SLC35F2: variants seen among roughly 807,000 people sequenced by gnomAD.
The protein encoded by SLC35F2 is solute carrier family 35 member F2, also known as queuine/queuosine transporter SLC35F2.
Under a neutral mutation model 38.1 loss-of-function variants are expected in SLC35F2, and 25 were observed. That is an observed-to-expected ratio of 0.66 (90% CI 0.48 to 0.92). The LOEUF is 0.92. Among genes scored for constraint, SLC35F2 ranks in the 40% least tolerant of loss-of-function variants. The probability of loss-of-function intolerance (pLI) is 0.00; values close to 1 mark genes in which losing one functional copy is unlikely to be tolerated. For missense variants in SLC35F2, 409 were observed against 452.9 expected (o/e 0.90, Z 0.88); for synonymous variants, 173 against 181.7 (o/e 0.95, Z 0.38).
intron 1 of SLC35F2, among the ~76,000 whole-genome samples, chr11:107,824,788 C>T (rs918755346): frequency 6.6e-6 from 1 of 152,186 alleles, no homozygotes; most frequent in Non-Finnish European, 1.5e-5. Flanking sequence ...CTCTGGCTCG[C>T]CCTGTCTTTT....
At chr11:107,824,688 A>G (rs1366371923) in intron 1 of SLC35F2, among the ~76,000 whole-genome samples, 1 of 152,220 alleles carries the variant, frequency 6.6e-6, no homozygotes, top group Non-Finnish European at 1.5e-5. Context: ...TACCACCTTT[A>G]TGCGCCTAAG....
Position 107,838,505 on chromosome 11 carries a change from C to T in SLC35F2, c.110+20153G>A, listed in dbSNP as rs12292795. 4.7e-3 allele frequency among the ~76,000 whole-genome samples: 700 copies of T among 150,518 alleles called. 7 individuals are homozygous for T. The highest frequency in any genetic ancestry group is 0.016 in the African/African-American group (648 of 40,912). Reference sequence around the variant, plus strand: ...ACGCCCAGCTAATTTTTGTATTTTTCGTAGAGATGGGGTTTCACCATGTTG... The same window carrying T: ...ACGCCCAGCTAATTTTTGTATTTTTTGTAGAGATGGGGTTTCACCATGTTG... On this transcript the variant is annotated intron_variant, in intron 1 of 7. Coordinates refer to ENST00000525815, the MANE Select transcript of SLC35F2 (RefSeq NM_017515.5).
intron 2 of SLC35F2, among the ~76,000 whole-genome samples, chr11:107,813,332 C>T (rs1859512590): frequency 6.6e-6 from 1 of 152,042 alleles, no homozygotes; most frequent in African/African-American, 2.4e-5. Flanking sequence ...GTAATTCCAG[C>T]TACTAGGGAG....
rs1859676198 is a variant in SLC35F2 at position 107,821,769 on chromosome 11, C to T, written c.111-5804G>A. Among the ~76,000 whole-genome samples the T allele has an allele frequency of 2.0e-5, 3 of 152,186 alleles. No homozygotes were observed. In the South Asian group the frequency reaches 6.2e-4, roughly 31 times the overall value. On this transcript the variant is annotated intron_variant, in intron 1 of 7. Transcript: ENST00000525815. ...ACTTCAATGGCAGGATATGATCCAA[C>T]TCCAAGACAAATTTCCCCAAGGCAG...
intron 1 of SLC35F2, among the ~76,000 whole-genome samples, chr11:107,830,087 C>T (rs1304022948): frequency 6.6e-6 from 1 of 151,712 alleles, no homozygotes; most frequent in African/African-American, 2.4e-5. Context: ...AATAGCAAGA[C>T]CTCATCTCTA....
chr11:107,812,023 T>C (rs1262518237), intron 2 of SLC35F2, among the ~76,000 whole-genome samples: 2 of 152,062 alleles, frequency 1.3e-5, no homozygotes, highest in Non-Finnish European at 2.9e-5. Context: ...CACCTCAGCC[T>C]CCTGAGTAGC....
chr11:107,799,684 G>A (rs78370540), intron 7 of SLC35F2, among the ~76,000 whole-genome samples: 1 of 151,018 alleles, frequency 6.6e-6, no homozygotes, highest in Non-Finnish European at 1.5e-5. Flanking sequence ...TCCACCTCCC[G>A]GGTTCAAGTA....
At chr11:107,825,909 T>C (rs1322202835) in intron 1 of SLC35F2, among the ~76,000 whole-genome samples, 1 of 152,156 alleles carries the variant, frequency 6.6e-6, no homozygotes, top group Non-Finnish European at 1.5e-5. Flanking sequence ...TAAATCTCTA[T>C]TTCAGCGGGA....
rs1370972197 is a variant in SLC35F2, at chr11:107,856,919, G to A, written c.110+1739C>T. On this transcript the variant is annotated intron_variant, in intron 1 of 7. Transcript: ENST00000525815. ...GGGAAGGAAGGAAGGGAGGGAGGGA[G>A]GGAGGGAAAAGAGGGAAGGAGACTG... is the stretch of plus-strand genomic sequence containing the variant. 7.2e-5 allele frequency among the ~76,000 whole-genome samples: 6 copies of A among 83,696 alleles called. 1 individual carries two copies. Among genetic ancestry groups the A allele is most frequent in the South Asian group, 8.4e-4 (2 of 2,394 alleles). The allele number at this position is 83,696 out of a possible 152,430, so 54.9% of individuals were successfully genotyped here.
rs115118889 is a variant in SLC35F2, at chr11:107,803,318, G to A, written c.785-163C>T. 1,183 of 983,102 alleles carry A rather than the reference G, an allele frequency of 1.2e-3. 14 individuals are homozygous for A. In the African/African-American group the frequency reaches 0.019, roughly 16 times the overall value. The allele number at this position is 983,102 out of a possible 1,614,324, so 60.9% of individuals were successfully genotyped here. On this transcript the variant is annotated intron_variant, in intron 6 of 7. Coordinates refer to ENST00000525815, the MANE Select transcript of SLC35F2 (RefSeq NM_017515.5). ...GAAAATGAGACCATAAAGCTCTCTC[G>A]AAAAAAGAATATAAATAGCAAGTTG...
At chr11:107,851,128 T>A (rs1860177152) in intron 1 of SLC35F2, among the ~76,000 whole-genome samples, 1 of 151,906 alleles carries the variant, frequency 6.6e-6, no homozygotes, top group Non-Finnish European at 1.5e-5. Flanking sequence ...CCGGGAGTGG[T>A]GGCACGTGCC....
chr11:107,840,964 C>T (rs1860005474), intron 1 of SLC35F2, among the ~76,000 whole-genome samples: 1 of 152,024 alleles, frequency 6.6e-6, no homozygotes, highest in Non-Finnish European at 1.5e-5. Context: ...GTCATGTCAT[C>T]CCTTCTAGTC....
intron 1 of SLC35F2, among the ~76,000 whole-genome samples, chr11:107,856,015 G>A (rs1188490786): frequency 6.9e-6 from 1 of 144,252 alleles, no homozygotes; most frequent in Non-Finnish European, 1.5e-5. Flanking sequence ...TGAGGCAGGA[G>A]AATCACTTGA....
intron 1 of SLC35F2, among the ~76,000 whole-genome samples, chr11:107,841,764 A>G (rs1860015401): frequency 6.6e-6 from 1 of 152,076 alleles, no homozygotes. Flanking sequence ...TTGAGGCCAG[A>G]AGTTCAAAAC....
chr11:107,843,846 TAAAAA>T (rs780744909), intron 1 of SLC35F2, among the ~76,000 whole-genome samples: 16 of 45,192 alleles, frequency 3.5e-4, no homozygotes, highest in African/African-American at 1.6e-3. Flanking sequence ...CTCTGTATCT[TAAAAA>T]AAAAAAAAAA....
intron 1 of SLC35F2, among the ~76,000 whole-genome samples, chr11:107,846,351 A>C (rs543447339): frequency 2.0e-5 from 3 of 152,360 alleles, no homozygotes; most frequent in Non-Finnish European, 4.4e-5. Context: ...TGAATCATGA[A>C]GAAAACATGA....
At chr11:107,810,028 CTAAGGAA>C in intron 3 of SLC35F2, 5 of 985,370 alleles carry the variant, frequency 5.1e-6, no homozygotes, top group Non-Finnish European at 6.0e-6. Flanking sequence ...ACAGAACCTT[CTAAGGAA>C]TCCTTAAGAA....
intron 3 of SLC35F2, 67 bp from the exon 4 acceptor site, chr11:107,806,943 AATAATAGGAGTCAGTATTT>A (rs1170100803): frequency 9.1e-6 from 13 of 1,428,744 alleles, no homozygotes; most frequent in Admixed American, 5.6e-5. Flanking sequence ...GTAATTAAGA[AATAATAGGAGTCAGTATTT>A]ATAATAGGAG....
At chr11:107,829,314 G>GA (rs1859800318) in intron 1 of SLC35F2, among the ~76,000 whole-genome samples, 1 of 151,868 alleles carries the variant, frequency 6.6e-6, no homozygotes, top group African/African-American at 2.4e-5. Context: ...AGCTACTTGG[G>GA]AGGCTGAAGC....
Sources: gnomAD v4.1 joint callset for allele counts (sites outside exome capture counted in the v4.1 genomes callset) on GRCh38, gnomAD v4.1.1 for gene constraint, MANE v1.5 for transcripts, NCBI Gene and HGNC (gene_info 2026-07-23, HGNC 2026-07-21) for gene names.